Variants in MCTP2 observed in about 807,000 individuals in gnomAD.
The protein encoded by MCTP2 is multiple C2 and transmembrane domain-containing protein 2.
Under a neutral mutation model 111.6 loss-of-function variants are expected in MCTP2, and 132 were observed. The observed-to-expected ratio is 1.18, with a 90% CI of 1.03 to 1.37. The LOEUF is 1.37. Ranked by LOEUF, MCTP2 falls within the 40% of genes most tolerant of loss-of-function variation. The pLI, the probability that MCTP2 is intolerant of heterozygous loss-of-function variation, is 0.00. For synonymous variants in MCTP2, 395 were observed against 387.7 expected, an observed-to-expected ratio of 1.02 and a Z score of -0.22; for missense variants, 1,183 against 1,067.9, an observed-to-expected ratio of 1.11 and a Z score of -1.50.
intron 4 of MCTP2, among the ~76,000 whole-genome samples, chr15:94,323,300 C>T (rs2076708843): frequency 6.6e-6 from 1 of 152,010 alleles, no homozygotes; most frequent in African/African-American, 2.4e-5. Context: ...TAGCTGTGGC[C>T]TCTCAGTGTG....
At chr15:94,255,998 C>G (rs2072740490) in intron 1 of MCTP2, among the ~76,000 whole-genome samples, 1 of 152,136 alleles carries the variant, frequency 6.6e-6, no homozygotes, top group African/African-American at 2.4e-5. Flanking sequence ...TTGTCTTTTC[C>G]TCACAGCTCC....
intron 1 of MCTP2, among the ~76,000 whole-genome samples, chr15:94,287,080 A>G (rs994583562): frequency 6.6e-6 from 1 of 152,242 alleles, no homozygotes; most frequent in Non-Finnish European, 1.5e-5. Flanking sequence ...ACAATATAAT[A>G]TTCAGATAGT....
At chr15:94,385,164 C>T (rs1348835685) in intron 13 of MCTP2, among the ~76,000 whole-genome samples, 2 of 152,126 alleles carry the variant, frequency 1.3e-5, no homozygotes, top group African/African-American at 4.8e-5. Context: ...GAAAGTCCTA[C>T]CCTTGAGTGC....
intron 19 of MCTP2, among the ~76,000 whole-genome samples, chr15:94,446,884 A>G (rs1340494321): frequency 1.3e-5 from 2 of 152,246 alleles, no homozygotes; most frequent in Admixed American, 6.5e-5. Flanking sequence ...ACCCTTTTAT[A>G]TCAGTTGTAG....
intron 8 of MCTP2, among the ~76,000 whole-genome samples, chr15:94,348,985 G>C (rs951314747): frequency 1.3e-5 from 2 of 151,914 alleles, no homozygotes; most frequent in African/African-American, 4.8e-5. Flanking sequence ...CTGCTTGTCT[G>C]TTTTCCATCT....
rs955947498 is a variant in MCTP2 at position 94,481,272 on chromosome 15, C to T, written c.*2238C>T. Reference sequence around the variant, plus strand: ...CAGAAACTAAACATCATCTGTCTCTCCCTGTCTTCAGAACCCCAACCCTCA... The same window carrying T: ...CAGAAACTAAACATCATCTGTCTCTTCCTGTCTTCAGAACCCCAACCCTCA... On this transcript the variant is annotated 3_prime_UTR_variant, in exon 23 of 23. Transcript: ENST00000357742. 6.6e-6 allele frequency: 1 copy of T among 152,218 alleles called. No homozygotes were observed. Among genetic ancestry groups the T allele is most frequent in the Non-Finnish European group, 1.5e-5 (1 of 68,066 alleles). The allele number at this position is 152,218 out of a possible 1,614,324, so 9.4% of individuals were successfully genotyped here.
At chr15:94,323,824 C>T (rs894444606) in intron 4 of MCTP2, among the ~76,000 whole-genome samples, 2 of 152,126 alleles carry the variant, frequency 1.3e-5, no homozygotes, top group Non-Finnish European at 2.9e-5. Flanking sequence ...GTTCATCTGA[C>T]CCTCCCTGTC....
chr15:94,458,855 G>A (rs1315791936), intron 20 of MCTP2, among the ~76,000 whole-genome samples: 1 of 152,198 alleles, frequency 6.6e-6, no homozygotes, highest in Non-Finnish European at 1.5e-5. Flanking sequence ...AGGAGTAACA[G>A]TTAATATGTA....
rs575104196 is a variant in MCTP2, at chr15:94,295,175, C to T, written c.-65-3026C>T. Among the ~76,000 whole-genome samples, 37 of 152,014 alleles carry T rather than the reference C, an allele frequency of 2.4e-4. No homozygotes were observed. In the South Asian group the frequency reaches 6.5e-3, roughly 27 times the overall value. ...ATGTTGGCCAGGCTGGTCTCGAACTCCTGACCTCAAGCCATCCACCCGCCT... is the reference window on the plus strand; with the variant it reads ...ATGTTGGCCAGGCTGGTCTCGAACTTCTGACCTCAAGCCATCCACCCGCCT... On this transcript the variant is annotated intron_variant, in intron 1 of 22. Coordinates refer to ENST00000357742, the MANE Select transcript of MCTP2 (RefSeq NM_001385001.1).
At chr15:94,393,595 G>C (rs1300542268) in intron 14 of MCTP2, among the ~76,000 whole-genome samples, 1 of 152,156 alleles carries the variant, frequency 6.6e-6, no homozygotes, top group Non-Finnish European at 1.5e-5. Context: ...TAAGATATCA[G>C]TATGGCCAAA....
intron 17 of MCTP2, chr15:94,402,427 T>C: frequency 6.5e-7 from 1 of 1,537,104 alleles, no homozygotes; most frequent in Non-Finnish European, 8.8e-7. Context: ...ATTAAAGATG[T>C]TTATTCATTT....
At chr15:94,405,582 T>A (rs1173626349) in intron 17 of MCTP2, among the ~76,000 whole-genome samples, 1 of 152,212 alleles carries the variant, frequency 6.6e-6, no homozygotes, top group Non-Finnish European at 1.5e-5. Flanking sequence ...CTGCTACACT[T>A]ACAGGAGTGG....
chr15:94,257,839 C>T (rs2072922954), intron 1 of MCTP2, among the ~76,000 whole-genome samples: 1 of 150,746 alleles, frequency 6.6e-6, no homozygotes, highest in African/African-American at 2.4e-5. Flanking sequence ...CCCTCCTCGG[C>T]CTCCCAAAGT....
chr15:94,456,458 G>C (rs2084842239), intron 19 of MCTP2, among the ~76,000 whole-genome samples: 1 of 152,120 alleles, frequency 6.6e-6, no homozygotes, highest in Non-Finnish European at 1.5e-5. Context: ...TTGGCCTTTG[G>C]GTCAAATTCC....
chr15:94,297,991 C>G (rs563921581), intron 1 of MCTP2, among the ~76,000 whole-genome samples: 2 of 151,522 alleles, frequency 1.3e-5, no homozygotes, highest in South Asian at 4.2e-4. Flanking sequence ...TACAGTTGCT[C>G]TGATAAAATT....
intron 1 of MCTP2, among the ~76,000 whole-genome samples, chr15:94,248,501 G>T (rs1166008739): frequency 6.6e-6 from 1 of 152,168 alleles, no homozygotes; most frequent in African/African-American, 2.4e-5. Flanking sequence ...TGGCCAGTCA[G>T]GTAAGCCTAG....
intron 12 of MCTP2, among the ~76,000 whole-genome samples, chr15:94,370,602 T>G (rs2152438305): frequency 6.6e-6 from 1 of 152,306 alleles, no homozygotes; most frequent in East Asian, 1.9e-4. Context: ...GGCTGGCACC[T>G]CATCGTAATA....
At chr15:94,317,798 TTC>T (rs1051897205) in intron 4 of MCTP2, among the ~76,000 whole-genome samples, 1 of 152,172 alleles carries the variant, frequency 6.6e-6, no homozygotes, top group Non-Finnish European at 1.5e-5. Context: ...TTCTTAAAAT[TTC>T]TCTCTCTCTT....
chr15:94,367,617 T>TG lies in MCTP2; in HGVS notation c.1314_1315insG (p.Ile439AspfsTer39). The TG allele has an allele frequency of 6.2e-7, 1 of 1,610,018 alleles. No homozygotes were observed. The highest frequency in any genetic ancestry group is 8.5e-7 in the Non-Finnish European group (1 of 1,178,304). On this transcript the variant is annotated frameshift_variant, in exon 11 of 23. Coordinates refer to ENST00000357742, the MANE Select transcript of MCTP2 (RefSeq NM_001385001.1). LOFTEE classifies it high-confidence loss of function. The stretch of plus-strand genomic sequence containing the variant: ...GAAACTTTTCTAGGTGTAAAGTGGA[T>TG]ATCTCGGCACTCCCTCTGAAGCAAG...
Sources: gnomAD v4.1 joint callset for allele counts (sites outside exome capture counted in the v4.1 genomes callset) on GRCh38, gnomAD v4.1.1 for gene constraint, MANE v1.5 for transcripts, NCBI Gene and HGNC (gene_info 2026-07-23, HGNC 2026-07-21) for gene names.